The following RPS6KA3 variants were observed in gnomAD, a reference collection of about 807,000 sequenced individuals.
RPS6KA3 encodes ribosomal protein S6 kinase A3.
Under a neutral mutation model 67.2 loss-of-function variants are expected in RPS6KA3, and 4 were observed. That is an observed-to-expected ratio of 0.06 (90% CI 0.03 to 0.14). The LOEUF is 0.14. Among genes scored for constraint, RPS6KA3 ranks in the 10% least tolerant of loss-of-function variants. The probability of loss-of-function intolerance (pLI) is 1.00; values close to 1 mark genes in which losing one functional copy is unlikely to be tolerated. For synonymous variants in RPS6KA3, 182 were observed against 183.7 expected (o/e 0.99, Z 0.07); for missense variants, 204 against 559.0 (o/e 0.36, Z 6.40).
intron 1 of RPS6KA3, among the ~76,000 whole-genome samples, chrX:20,247,593 T>C (rs2069727999): frequency 9.1e-6 from 1 of 110,302 alleles, no homozygotes; most frequent in Non-Finnish European, 1.9e-5. Context: ...GAGACCATCC[T>C]GGCTAACACG....
At chrX:20,200,365 G>A (rs756737385) in intron 4 of RPS6KA3, among the ~76,000 whole-genome samples, 1 of 111,841 alleles carries the variant, frequency 8.9e-6, no homozygotes, top group Non-Finnish European at 1.9e-5. Flanking sequence ...TTGTCTCTGG[G>A]GTTCAAGAAT....
intron 7 of RPS6KA3, among the ~76,000 whole-genome samples, chrX:20,189,394 C>A (rs1342261308): frequency 1.8e-5 from 2 of 112,037 alleles, no homozygotes; most frequent in African/African-American, 6.5e-5. Context: ...TTGTCAAGGA[C>A]AAGGGAGACC....
intron 1 of RPS6KA3, among the ~76,000 whole-genome samples, chrX:20,264,251 T>C (rs1158844471): frequency 8.9e-6 from 1 of 112,625 alleles, no homozygotes; most frequent in African/African-American, 3.2e-5. Context: ...AGAAAATTCT[T>C]TGAAAACAGC....
intron 15 of RPS6KA3, among the ~76,000 whole-genome samples, chrX:20,170,324 C>T (rs2067541883): frequency 9.0e-6 from 1 of 111,011 alleles, no homozygotes; most frequent in South Asian, 3.8e-4. Flanking sequence ...CACTAAATAC[C>T]CAGACACTCC....
intron 20 of RPS6KA3, among the ~76,000 whole-genome samples, chrX:20,158,247 C>A (rs1006962301): frequency 2.8e-5 from 3 of 107,406 alleles, no homozygotes; most frequent in African/African-American, 1.0e-4. Context: ...TGCCTGTAGT[C>A]CCGGCTGTTC....
chrX:20,170,171 A>C (rs956536561), intron 15 of RPS6KA3, among the ~76,000 whole-genome samples: 13 of 112,221 alleles, frequency 1.2e-4, no homozygotes, highest in Admixed American at 5.7e-4. Flanking sequence ...CTCCTTAAAA[A>C]TATTTTTCTT....
chrX:20,266,691 G>T lies in RPS6KA3; in HGVS notation c.-59C>A. The T allele has an allele frequency of 1.2e-6, 1 of 867,259 alleles. No individual in the cohort carries two copies. Among genetic ancestry groups the T allele is most frequent in the East Asian group, 6.3e-5 (1 of 15,946 alleles). 71.5% of individuals were successfully genotyped at this position (867,259 alleles called of 1,213,427 possible). On this transcript the variant is annotated 5_prime_UTR_variant, in exon 1 of 22. Transcript: ENST00000379565. ...TCCCTCCCCGCCCGCCCCACGGCCG[G>T]CCCCGCTCCGTCGCCGCCCGAGCCC... is the stretch of plus-strand genomic sequence containing the variant.
At chrX:20,246,233 T>C (rs1415391343) in intron 1 of RPS6KA3, among the ~76,000 whole-genome samples, 1 of 110,461 alleles carries the variant, frequency 9.1e-6, no homozygotes, top group African/African-American at 3.3e-5. Flanking sequence ...GGTGTGACTT[T>C]GGGTAAGTGA....
chrX:20,231,200 C>G (rs1603430176), intron 2 of RPS6KA3, among the ~76,000 whole-genome samples: 1 of 111,446 alleles, frequency 9.0e-6, no homozygotes, highest in Middle Eastern at 4.6e-3. Context: ...TCAAGCGAAC[C>G]TCTTGCCTCA....
chrX:20,246,346 G>A (rs986055295), intron 1 of RPS6KA3, among the ~76,000 whole-genome samples: 22 of 110,406 alleles, frequency 2.0e-4, no homozygotes, highest in African/African-American at 5.6e-4. Context: ...GTGTTTAGGA[G>A]GTGTCAGCTT....
At chrX:20,184,982 A>G (rs765873286) in intron 10 of RPS6KA3, among the ~76,000 whole-genome samples, 5 of 110,060 alleles carry the variant, frequency 4.5e-5, no homozygotes, top group Non-Finnish European at 7.6e-5. Flanking sequence ...TTTCACTCTT[A>G]TTGCCCAGGC....
Position 20,260,726 on chromosome X carries a change from C to T in RPS6KA3, c.69+5838G>A, listed in dbSNP as rs190107824. Among the ~76,000 whole-genome samples, 109 of 111,733 alleles carry T rather than the reference C, an allele frequency of 9.8e-4. 1 individual carries two copies. The highest frequency in any genetic ancestry group is 3.1e-3 in the African/African-American group (97 of 30,822). ...TTAAAAACTTAAACCATGTACTGAA[C>T]CAAGTACTTTACATATATTATCATT... On this transcript the variant is annotated intron_variant, in intron 1 of 21. Transcript: ENST00000379565.
chrX:20,251,015 C>T (rs2069848695), intron 1 of RPS6KA3, among the ~76,000 whole-genome samples: 1 of 112,220 alleles, frequency 8.9e-6, no homozygotes, highest in Non-Finnish European at 1.9e-5. Context: ...AGTTTTCCTG[C>T]ATCCAAGACC....
intron 2 of RPS6KA3, 48 bp downstream of exon 2, chrX:20,234,710 A>G (rs2089722492): frequency 1.2e-6 from 1 of 840,419 alleles, no homozygotes; most frequent in African/African-American, 2.0e-5. Flanking sequence ...TAATAACTTT[A>G]CAGTATTTCA....
In RPS6KA3 at chrX:20,189,154, A is replaced by G. The variant is rs1378308711; in HGVS notation, c.594-620T>C. Among the ~76,000 whole-genome samples the G allele has an allele frequency of 1.0e-4, 11 of 110,381 alleles. No individual in the cohort carries two copies. In the Admixed American group the frequency reaches 1.1e-3, roughly 11 times the overall value. ...TTTTTTTTCCTGACACAACCTACAC[A>G]ATCCTCTTCTCCTTCCCCATACTCC... On this transcript the variant is annotated intron_variant, in intron 7 of 21. Coordinates refer to ENST00000379565, the MANE Select transcript of RPS6KA3 (RefSeq NM_004586.3).
chrX:20,219,036 G>A, intron 2 of RPS6KA3: 1 of 393,545 alleles, frequency 2.5e-6, no homozygotes, highest in Non-Finnish European at 4.5e-6. Flanking sequence ...AAACCTGCCG[G>A]CAGGGGCACT....
intron 4 of RPS6KA3, chrX:20,203,396 G>C (rs1195376985): frequency 9.1e-6 from 1 of 109,844 alleles, no homozygotes; most frequent in South Asian, 3.9e-4. Context: ...TGAGTAGCTG[G>C]AATTATAGGT....
chrX:20,213,006 G>A, intron 2 of RPS6KA3, among the ~76,000 whole-genome samples: 1 of 111,283 alleles, frequency 9.0e-6, no homozygotes, highest in African/African-American at 3.3e-5. Flanking sequence ...TACAGCTCCA[G>A]TCATATGACC....
intron 8 of RPS6KA3, among the ~76,000 whole-genome samples, 168 bp downstream of exon 8, chrX:20,188,329 G>C (rs1003588898): frequency 8.9e-6 from 1 of 111,747 alleles, no homozygotes; most frequent in Non-Finnish European, 1.9e-5. Context: ...ACCTGCCTCA[G>C]CCTCCCAGAA....
Sources: allele counts gnomAD v4.1 joint callset (sites outside exome capture counted in the v4.1 genomes callset), GRCh38; gene constraint gnomAD v4.1.1; transcripts MANE v1.5; gene names NCBI Gene and HGNC (gene_info 2026-07-23, HGNC 2026-07-21).